The following STK32C variants were observed in gnomAD, a reference collection of about 807,000 sequenced individuals.
The protein encoded by STK32C is serine/threonine-protein kinase 32C.
A neutral mutation model predicts 56.5 loss-of-function variants in STK32C; 31 were observed. The observed-to-expected ratio is 0.55, with a 90% CI of 0.41 to 0.74. STK32C has a LOEUF of 0.74. Among genes scored for constraint, STK32C ranks in the 30% least tolerant of loss-of-function variants. The probability of loss-of-function intolerance (pLI) is 0.00; values close to 1 mark genes in which losing one functional copy is unlikely to be tolerated. For synonymous variants in STK32C, 309 were observed against 289.4 expected, an observed-to-expected ratio of 1.07 and a Z score of -0.69; for missense variants, 544 against 676.9, an observed-to-expected ratio of 0.80 and a Z score of 2.18.
chr10:132,211,900 C>T (rs774810155), intron 10 of STK32C, among the ~76,000 whole-genome samples: 3 of 152,082 alleles, frequency 2.0e-5, no homozygotes, highest in South Asian at 2.1e-4. Flanking sequence ...CCGAGAAGGG[C>T]GGGGGTCTCT....
chr10:132,295,188 C>T (rs7074272), intron 1 of STK32C, among the ~76,000 whole-genome samples: 64,633 of 151,892 alleles, frequency 0.43, 15,423 homozygotes, highest in African/African-American at 0.64. Context: ...CCATGGGCTT[C>T]GTACTTTAAA....
intron 1 of STK32C, among the ~76,000 whole-genome samples, chr10:132,284,929 C>T (rs1379620707): frequency 7.0e-6 from 1 of 142,134 alleles, no homozygotes; most frequent in Non-Finnish European, 1.6e-5. Context: ...GAACCCAGAA[C>T]ACATTCCCAC....
intron 1 of STK32C, among the ~76,000 whole-genome samples, chr10:132,294,370 T>C (rs2065671304): frequency 6.6e-6 from 1 of 152,098 alleles, no homozygotes; most frequent in Non-Finnish European, 1.5e-5. Context: ...CCAAGGCATC[T>C]TTGGGGCAGG....
chr10:132,320,348 G>C (rs1317275669), downstream of STK32C, among the ~76,000 whole-genome samples: 1 of 152,054 alleles, frequency 6.6e-6, no homozygotes, highest in East Asian at 1.9e-4. Flanking sequence ...AGCGTGACCT[G>C]ACTCAGCTTG....
At chr10:132,299,462 G>A (rs751274408) in intron 1 of STK32C, among the ~76,000 whole-genome samples, 10 of 148,510 alleles carry the variant, frequency 6.7e-5, no homozygotes, top group South Asian at 2.2e-4. Flanking sequence ...ACCCCAGGAC[G>A]AGACCCAGCA....
chr10:132,250,729 A>G (rs904497117), intron 1 of STK32C, among the ~76,000 whole-genome samples: 5 of 152,202 alleles, frequency 3.3e-5, no homozygotes, highest in Admixed American at 6.5e-5. Flanking sequence ...GACCCGGGCA[A>G]GTGTTCCTGA....
chr10:132,331,345 G>A lies in STK32C; in HGVS notation c.301+91C>T, dbSNP rs140837622. On this transcript the variant is annotated intron_variant, in intron 1 of 1. Transcript: ENST00000368619. ...GGAATGAAGGTGCACGGGACTCCAG[G>A]GTTCCACAGGACCACGCGAGCACCT... 1.1e-3 allele frequency: 1,500 copies of A among 1,323,460 alleles called. 13 individuals are homozygous for A. The East Asian group carries it at 0.023, about 20-fold the overall frequency. 82.0% of individuals were successfully genotyped at this position (1,323,460 alleles called of 1,614,324 possible).
chr10:132,208,436 C>T (rs990156205), intron 11 of STK32C, among the ~76,000 whole-genome samples: 3 of 152,182 alleles, frequency 2.0e-5, no homozygotes, highest in Admixed American at 6.5e-5. Flanking sequence ...GAATGAGGCT[C>T]GGCTAAGCCT....
intron 1 of STK32C, among the ~76,000 whole-genome samples, chr10:132,271,726 C>G (rs567055980): frequency 2.0e-5 from 3 of 152,332 alleles, no homozygotes; most frequent in Admixed American, 6.5e-5. Context: ...TGGGATCACC[C>G]GTTCCTGACC....
chr10:132,281,882 C>T (rs555023951), intron 1 of STK32C, among the ~76,000 whole-genome samples: 1 of 149,736 alleles, frequency 6.7e-6, no homozygotes, highest in South Asian at 2.1e-4. Flanking sequence ...CTATTTCAGC[C>T]CAACCAGGAT....
chr10:132,321,028 TG>T (rs572240949), downstream of STK32C, among the ~76,000 whole-genome samples: 119 of 152,290 alleles, frequency 7.8e-4, no homozygotes, highest in African/African-American at 2.7e-3. Context: ...CCGTGTGGTT[TG>T]TTTGGCCAAT....
chr10:132,321,552 G>A (rs536612723), downstream of STK32C, among the ~76,000 whole-genome samples: 8 of 152,248 alleles, frequency 5.3e-5, no homozygotes, highest in South Asian at 8.3e-4. Flanking sequence ...TCTAAGGGCC[G>A]GGCATGGTCG....
At chr10:132,264,809 C>T (rs572196403) in intron 1 of STK32C, among the ~76,000 whole-genome samples, 5 of 151,982 alleles carry the variant, frequency 3.3e-5, no homozygotes, top group African/African-American at 1.2e-4. Flanking sequence ...GAGGTGGGGG[C>T]GGGACAGTCG....
At chr10:132,325,553 A>G (rs12570944) in intron 1 of STK32C, among the ~76,000 whole-genome samples, 41,120 of 115,786 alleles carry the variant, frequency 0.36, 5,947 homozygotes, top group East Asian at 0.52. Flanking sequence ...AGTCCGTCTT[A>G]AAAAAAAAAA....
In STK32C at chr10:132,255,806, G is replaced by A. The variant is rs1023123867; in HGVS notation, c.263-9851C>T. On this transcript the variant is annotated intron_variant, in intron 1 of 11. Transcript: ENST00000298630. The surrounding 1 kb of genome is among the most constrained non-coding windows in gnomAD (Gnocchi z 4.6). The stretch of plus-strand genomic sequence containing the variant: ...GCCTGGAGCCTCGAGGTCATGCCTG[G>A]GTGCCAGCACCATGGCCCAGCATTA... Among the ~76,000 whole-genome samples the A allele has an allele frequency of 6.6e-6, 1 of 152,158 alleles. No homozygotes were observed. The highest frequency in any genetic ancestry group is 1.5e-5 in the Non-Finnish European group (1 of 68,018).
intron 1 of STK32C, among the ~76,000 whole-genome samples, chr10:132,298,057 T>C (rs2065807649): frequency 6.6e-6 from 1 of 152,246 alleles, no homozygotes; most frequent in Non-Finnish European, 1.5e-5. Context: ...AGAACTTGTG[T>C]GATGCTGGCA....
intron 2 of STK32C, among the ~76,000 whole-genome samples, chr10:132,228,586 C>T (rs993409171): frequency 1.4e-4 from 21 of 152,206 alleles, no homozygotes; most frequent in Non-Finnish European, 2.9e-4. Flanking sequence ...GCTGGTTGTG[C>T]GGGGAGCGCC....
intron 10 of STK32C, among the ~76,000 whole-genome samples, chr10:132,217,873 A>G (rs1565066344): frequency 6.6e-6 from 1 of 152,064 alleles, no homozygotes; most frequent in South Asian, 2.1e-4. Context: ...TTCCTGTATA[A>G]ATTACCCAGA....
intron 1 of STK32C, among the ~76,000 whole-genome samples, chr10:132,271,795 T>G (rs1486586001): frequency 6.6e-6 from 1 of 152,102 alleles, no homozygotes; most frequent in Admixed American, 6.5e-5. Flanking sequence ...CAGGTGTGGG[T>G]GGGGATCTGG....
Sources: gnomAD v4.1 joint callset for allele counts (sites outside exome capture counted in the v4.1 genomes callset) on GRCh38, gnomAD v4.1.1 for gene constraint, Gnocchi (gnomAD v3.1) non-coding constraint, MANE v1.5 for transcripts, NCBI Gene and HGNC (gene_info 2026-07-23, HGNC 2026-07-21) for gene names.